GNAZ: variants seen among roughly 807,000 people sequenced by gnomAD.
The protein encoded by GNAZ is G protein subunit alpha z.
GNAZ carries 3 observed loss-of-function variants against 25.4 expected under a neutral mutation model. The observed-to-expected ratio is 0.12, with a 90% CI of 0.05 to 0.30. GNAZ has a LOEUF of 0.30. Ranked by LOEUF, GNAZ falls within the 10% of genes least tolerant of loss-of-function variation. The probability of loss-of-function intolerance (pLI) is 1.00; values close to 1 mark genes in which losing one functional copy is unlikely to be tolerated. For synonymous variants in GNAZ, 211 were observed against 205.7 expected, an observed-to-expected ratio of 1.03 and a Z score of -0.22; for missense variants, 241 against 501.8, an observed-to-expected ratio of 0.48 and a Z score of 4.97.
chr22:23,104,904 A>G (rs2069415815), intron 2 of GNAZ, among the ~76,000 whole-genome samples: 2 of 152,184 alleles, frequency 1.3e-5, no homozygotes, highest in African/African-American at 2.4e-5. Flanking sequence ...TGGGCATCTC[A>G]GGGGGGACAC....
intron 2 of GNAZ, among the ~76,000 whole-genome samples, chr22:23,103,783 G>A (rs894417795): frequency 2.0e-5 from 3 of 152,178 alleles, no homozygotes; most frequent in Non-Finnish European, 2.9e-5. Flanking sequence ...AGGGACAGAG[G>A]CAGTCCTATC....
chr22:23,112,308 C>T (rs1394485785), intron 2 of GNAZ, among the ~76,000 whole-genome samples: 1 of 152,222 alleles, frequency 6.6e-6, no homozygotes, highest in Non-Finnish European at 1.5e-5. Context: ...CCTTCGGCCC[C>T]GCCCCAAGCA....
At chr22:23,102,566 C>T (rs941886899) in intron 2 of GNAZ, among the ~76,000 whole-genome samples, 2 of 152,220 alleles carry the variant, frequency 1.3e-5, no homozygotes, top group Non-Finnish European at 2.9e-5. Flanking sequence ...AGGCAAGAGG[C>T]GGCAGGGCCC....
chr22:23,102,149 G>C (rs5996467), intron 2 of GNAZ, among the ~76,000 whole-genome samples: 52,838 of 152,150 alleles, frequency 0.35, 10,047 homozygotes, highest in African/African-American at 0.51. Context: ...CATTGCCCAG[G>C]ACTCAGCCTT....
At chr22:23,087,912 C>A (rs966961676) in intron 1 of GNAZ, among the ~76,000 whole-genome samples, 2 of 152,202 alleles carry the variant, frequency 1.3e-5, no homozygotes, top group African/African-American at 4.8e-5. Flanking sequence ...CTGCATGACT[C>A]CTAAACCATA....
At chr22:23,088,437 C>T (rs1313277544) in intron 1 of GNAZ, among the ~76,000 whole-genome samples, 2 of 152,190 alleles carry the variant, frequency 1.3e-5, no homozygotes, top group African/African-American at 4.8e-5. Context: ...CTGCTGGGTG[C>T]CAAGGTGGAG....
chr22:23,124,705 G>C lies in GNAZ; in HGVS notation c.*1274G>C. 1.6e-5 allele frequency: 3 copies of C among 189,740 alleles called. 1 individual carries two copies. In the South Asian group the frequency reaches 2.2e-4, roughly 14 times the overall value. The allele number at this position is 189,740 out of a possible 1,614,324, so 11.8% of individuals were successfully genotyped here. The stretch of plus-strand genomic sequence containing the variant: ...ACTGGCTGGAAATGCTCTGACTCCT[G>C]TGAAGGCACAGCCAGCGTTGTGGCC... On this transcript the variant is annotated 3_prime_UTR_variant, in exon 3 of 3. Coordinates refer to ENST00000615612, the MANE Select transcript of GNAZ (RefSeq NM_002073.4).
intron 2 of GNAZ, among the ~76,000 whole-genome samples, chr22:23,112,848 C>CA (rs1235575990): frequency 6.6e-6 from 1 of 152,140 alleles, no homozygotes; most frequent in Non-Finnish European, 1.5e-5. Flanking sequence ...AGTGTGGACC[C>CA]ATCAGGAAGG....
In GNAZ at chr22:23,096,100, A is replaced by G. The variant is rs1460452948; in HGVS notation, c.405A>G (p.Pro135=). The part of the protein sequence containing the change: ...LGVMRRLWAD[P]GAQACFSRSS... ...TCATGCGACGGCTCTGGGCCGACCC[A>G]GGGGCACAGGCCTGCTTCAGCCGCT... The change falls in exon 2 of 3, where the codon CCA becomes CCG. Residue 135 remains proline (P), a synonymous_variant. Transcript: ENST00000615612. 6.2e-7 allele frequency: 1 copy of G among 1,610,542 alleles called. No individual in the cohort carries two copies. The highest frequency in any genetic ancestry group is 1.3e-5 in the African/African-American group (1 of 74,948).
intron 2 of GNAZ, among the ~76,000 whole-genome samples, chr22:23,117,949 A>T (rs989244422): frequency 1.3e-5 from 2 of 152,170 alleles, no homozygotes; most frequent in African/African-American, 4.8e-5. Flanking sequence ...CTGACCTGGG[A>T]ATGTCCTTCC....
At chr22:23,073,818 C>T (rs1418511383) in intron 1 of GNAZ, among the ~76,000 whole-genome samples, 2 of 152,046 alleles carry the variant, frequency 1.3e-5, no homozygotes, top group Admixed American at 6.5e-5. Context: ...ACAGCAGGGA[C>T]GTAGCATCCA....
chr22:23,123,248 C>A lies in GNAZ; in HGVS notation c.885C>A (p.Asn295Lys). The stretch of plus-strand genomic sequence containing the variant: ...GCTTTCCCGAGTACAAGGGCCAGAA[C>A]ACGTACGAGGAGGCCGCTGTCTACA... ...TICFPEYKGQ[N>K]TYEEAAVYIQ... is the part of the protein sequence containing the mutation. The change falls in exon 3 of 3, where the codon AAC becomes AAA. Residue 295 changes from asparagine (N) to lysine (K), a missense_variant. Transcript: ENST00000615612. 1 of 1,614,210 alleles carries A rather than the reference C, an allele frequency of 6.2e-7. No homozygotes were observed. Among genetic ancestry groups the A allele is most frequent in the Non-Finnish European group, 8.5e-7 (1 of 1,180,038 alleles).
intron 2 of GNAZ, among the ~76,000 whole-genome samples, chr22:23,118,194 AG>A (rs1291350579): frequency 6.6e-6 from 1 of 152,196 alleles, no homozygotes; most frequent in Admixed American, 6.5e-5. Flanking sequence ...ACACCACCCC[AG>A]GGACTGCATC....
chr22:23,091,531 CCTA>C (rs1036993326), intron 1 of GNAZ, among the ~76,000 whole-genome samples: 7 of 151,400 alleles, frequency 4.6e-5, no homozygotes, highest in African/African-American at 1.7e-4. Context: ...CCGCAATAGA[CCTA>C]CACACACACA....
chr22:23,104,857 A>G (rs2069414251), intron 2 of GNAZ, among the ~76,000 whole-genome samples: 1 of 152,184 alleles, frequency 6.6e-6, no homozygotes, highest in Non-Finnish European at 1.5e-5. Context: ...TAGTTTCTGG[A>G]GGGATTGGAA....
intron 2 of GNAZ, among the ~76,000 whole-genome samples, chr22:23,120,815 C>G (rs561731454): frequency 7.0e-4 from 107 of 152,296 alleles, no homozygotes; most frequent in African/African-American, 2.5e-3. Flanking sequence ...GCTCCATCAC[C>G]TGGCATGAGA....
At chr22:23,117,307 C>T (rs944443695) in intron 2 of GNAZ, among the ~76,000 whole-genome samples, 1 of 152,156 alleles carries the variant, frequency 6.6e-6, no homozygotes, top group East Asian at 1.9e-4. Context: ...TGGCTGCAGG[C>T]GGGATGGAAA....
intron 2 of GNAZ, among the ~76,000 whole-genome samples, chr22:23,106,622 G>T (rs1276989287): frequency 1.3e-5 from 2 of 152,216 alleles, no homozygotes; most frequent in Non-Finnish European, 2.9e-5. Context: ...TACTCTGAAG[G>T]CTCAGGCTGT....
At chr22:23,085,561 C>T (rs189741484) in intron 1 of GNAZ, among the ~76,000 whole-genome samples, 193 of 152,290 alleles carry the variant, frequency 1.3e-3, no homozygotes, top group African/African-American at 4.3e-3. Context: ...TGGAACTGAG[C>T]CAGGGAGAGG....
Sources: allele counts gnomAD v4.1 joint callset (sites outside exome capture counted in the v4.1 genomes callset), GRCh38; gene constraint gnomAD v4.1.1; transcripts MANE v1.5; gene names NCBI Gene and HGNC (gene_info 2026-07-23, HGNC 2026-07-21).